Variants in CHSY3 observed in about 807,000 individuals in gnomAD.
CHSY3 encodes N-acetylgalactosaminyl-proteoglycan 3-beta-glucuronosyltransferase 3.
In CHSY3, 35 loss-of-function variants were observed where a neutral mutation model predicts 67.2. The ratio of observed to expected loss-of-function variants is 0.52; its 90% confidence interval spans 0.40 to 0.69. CHSY3 has a LOEUF of 0.69. CHSY3 is among the 30% of genes least tolerant of loss of function. The probability of loss-of-function intolerance (pLI) is 0.00; values close to 1 mark genes in which losing one functional copy is unlikely to be tolerated. For missense variants in CHSY3, 1,069 were observed against 1,138.5 expected, an observed-to-expected ratio of 0.94 and a Z score of 0.88; for synonymous variants, 474 against 434.7, an observed-to-expected ratio of 1.09 and a Z score of -1.12.
At chr5:130,101,163 C>T (rs1368973817) in intron 2 of CHSY3, among the ~76,000 whole-genome samples, 1 of 152,188 alleles carries the variant, frequency 6.6e-6, no homozygotes, top group Non-Finnish European at 1.5e-5. Flanking sequence ...CATGATCACA[C>T]TGCTACAAAA....
intron 2 of CHSY3, among the ~76,000 whole-genome samples, chr5:130,181,487 T>C (rs1770242327): frequency 6.6e-6 from 1 of 152,136 alleles, no homozygotes; most frequent in Non-Finnish European, 1.5e-5. Context: ...CAGGCCCACA[T>C]ATCCACACAT....
At chr5:130,034,513 GA>G (rs1263079163) in intron 2 of CHSY3, among the ~76,000 whole-genome samples, 1 of 152,054 alleles carries the variant, frequency 6.6e-6, no homozygotes, top group Admixed American at 6.6e-5. Context: ...TCAAAACCAG[GA>G]AAAGATCCAT....
intron 2 of CHSY3, among the ~76,000 whole-genome samples, chr5:130,014,149 T>C (rs531641912): frequency 6.6e-6 from 1 of 152,298 alleles, no homozygotes; most frequent in South Asian, 2.1e-4. Flanking sequence ...ACTATCAGCA[T>C]TTTGGTCAAA....
chr5:129,998,964 T>C (rs956610136), intron 2 of CHSY3, among the ~76,000 whole-genome samples: 68 of 152,088 alleles, frequency 4.5e-4, no homozygotes, highest in Non-Finnish European at 1.9e-4. Context: ...AAGGCTTCTG[T>C]GTTATTTGAC....
Position 130,043,900 on chromosome 5 carries a change from A to T in CHSY3, c.1086+135540A>T, listed in dbSNP as rs189031114. Among the ~76,000 whole-genome samples, 20 of 152,102 alleles carry T rather than the reference A, an allele frequency of 1.3e-4. 1 individual carries two copies. Among genetic ancestry groups the T allele is most frequent in the Admixed American group, 1.3e-3 (20 of 15,250 alleles). ...GATCAGATTTTTTTTATGTTGAAAA[A>T]CACCATTTCACCATGCAAGGCCTCT... On this transcript the variant is annotated intron_variant, in intron 2 of 2. Transcript: ENST00000305031.
At chr5:130,152,058 C>A (rs754146461) in intron 2 of CHSY3, among the ~76,000 whole-genome samples, 1 of 152,212 alleles carries the variant, frequency 6.6e-6, no homozygotes, top group East Asian at 1.9e-4. Context: ...TTCGGAGACA[C>A]CTGCATCAGA....
intron 2 of CHSY3, among the ~76,000 whole-genome samples, chr5:130,133,063 G>T (rs150129639): frequency 6.6e-6 from 1 of 152,066 alleles, no homozygotes; most frequent in Admixed American, 6.6e-5. Context: ...GCCATGCCTC[G>T]TTGGAAATCT....
At chr5:130,007,745 G>T (rs768548900) in intron 2 of CHSY3, among the ~76,000 whole-genome samples, 2 of 152,068 alleles carry the variant, frequency 1.3e-5, no homozygotes, top group African/African-American at 2.4e-5. Context: ...CTCAAGACTC[G>T]CCAAATTCCT....
intron 2 of CHSY3, among the ~76,000 whole-genome samples, chr5:130,074,346 C>T (rs1766184522): frequency 6.6e-6 from 1 of 152,174 alleles, no homozygotes; most frequent in African/African-American, 2.4e-5. Flanking sequence ...GCTGGGATTA[C>T]AGGCATGAGC....
At chr5:130,118,164 A>G (rs561786300) in intron 2 of CHSY3, among the ~76,000 whole-genome samples, 2 of 152,264 alleles carry the variant, frequency 1.3e-5, no homozygotes, top group South Asian at 4.1e-4. Context: ...CTTGTACAGC[A>G]TGTAGAACTC....
At chr5:130,144,573 T>C (rs1328469093) in intron 2 of CHSY3, among the ~76,000 whole-genome samples, 1 of 152,098 alleles carries the variant, frequency 6.6e-6, no homozygotes, top group African/African-American at 2.4e-5. Flanking sequence ...AAAATGTCCA[T>C]ACTACCTAAA....
intron 2 of CHSY3, among the ~76,000 whole-genome samples, chr5:130,028,761 A>G (rs991687806): frequency 6.6e-6 from 1 of 151,612 alleles, no homozygotes; most frequent in Non-Finnish European, 1.5e-5. Context: ...TGTATTGTCT[A>G]TTTTTATCTC....
chr5:129,931,842 C>T (rs1011856110), intron 2 of CHSY3, among the ~76,000 whole-genome samples: 1 of 151,936 alleles, frequency 6.6e-6, no homozygotes, highest in Non-Finnish European at 1.5e-5. Flanking sequence ...ATGGACTTCT[C>T]CCTAAATTGT....
intron 2 of CHSY3, among the ~76,000 whole-genome samples, chr5:130,182,949 G>GTT (rs556477346): frequency 6.9e-6 from 1 of 145,072 alleles, no homozygotes; most frequent in African/African-American, 2.5e-5. Context: ...TATTAATTGA[G>GTT]TTTTTTTTTT....
intron 2 of CHSY3, among the ~76,000 whole-genome samples, chr5:130,138,077 A>AC (rs1768724333): frequency 6.6e-6 from 1 of 152,084 alleles, no homozygotes; most frequent in South Asian, 2.1e-4. Flanking sequence ...AATACAAAAT[A>AC]CAAAAAAAAA....
intron 2 of CHSY3, among the ~76,000 whole-genome samples, chr5:130,097,970 C>T (rs1201928973): frequency 6.6e-6 from 1 of 152,036 alleles, no homozygotes; most frequent in Non-Finnish European, 1.5e-5. Flanking sequence ...CGCCCCTGCA[C>T]TCCAGCCTGG....
At chr5:130,053,964 A>C (rs1765448399) in intron 2 of CHSY3, among the ~76,000 whole-genome samples, 1 of 152,180 alleles carries the variant, frequency 6.6e-6, no homozygotes, top group Non-Finnish European at 1.5e-5. Context: ...GAACTTCTAA[A>C]TCCAAGAGCC....
intron 2 of CHSY3, among the ~76,000 whole-genome samples, chr5:129,918,751 C>T (rs2149581241): frequency 6.6e-6 from 1 of 151,068 alleles, no homozygotes; most frequent in East Asian, 2.0e-4. Flanking sequence ...TTGTGAAAGG[C>T]TTTTTATGTA....
In CHSY3 at chr5:129,916,895, G is replaced by A. The variant is rs139206329; in HGVS notation, c.1086+8535G>A. ...CCTTCTAAATTGTTTTTTTTTCATT[G>A]TAGGTCATGAAATATCTCTAGTTGG... On this transcript the variant is annotated intron_variant, in intron 2 of 2. Coordinates refer to ENST00000305031, the MANE Select transcript of CHSY3 (RefSeq NM_175856.5). 3.0e-3 allele frequency among the ~76,000 whole-genome samples: 458 copies of A among 151,276 alleles called. 3 individuals are homozygous for A. Among genetic ancestry groups the A allele is most frequent in the African/African-American group, 0.01 (430 of 41,204 alleles).
Sources: gnomAD v4.1 joint callset for allele counts (sites outside exome capture counted in the v4.1 genomes callset) on GRCh38, gnomAD v4.1.1 for gene constraint, MANE v1.5 for transcripts, NCBI Gene and HGNC (gene_info 2026-07-23, HGNC 2026-07-21) for gene names.